ASXL3: variants seen among roughly 807,000 people sequenced by gnomAD.
ASXL3 encodes the protein putative Polycomb group protein ASXL3.
ASXL3 carries 34 observed loss-of-function variants against 170.6 expected under a neutral mutation model. That is an observed-to-expected ratio of 0.20 (90% CI 0.15 to 0.27). ASXL3 has a LOEUF of 0.27. Among genes scored for constraint, ASXL3 ranks in the 10% least tolerant of loss-of-function variants. ASXL3 has a pLI of 1.00. For synonymous variants in ASXL3, 1,002 were observed against 989.1 expected (o/e 1.01, Z -0.24); for missense variants, 2,592 against 2,695.3 (o/e 0.96, Z 0.85).
intron 2 of ASXL3, among the ~76,000 whole-genome samples, chr18:33,615,609 C>T (rs1008409378): frequency 4.6e-5 from 7 of 152,196 alleles, no homozygotes; most frequent in Admixed American, 1.3e-4. Flanking sequence ...GCAATATCTG[C>T]GAAGCATAAT....
chr18:33,731,975 G>A lies in ASXL3; in HGVS notation c.887G>A (p.Ser296Asn), dbSNP rs770948375. Residue 296 changes from serine (S) to asparagine (N), a missense_variant, in exon 9 of 12, where the codon AGT becomes AAT. Physicochemically the swap from Ser to Asn is conservative, Grantham distance 46 (BLOSUM62 1). This residue lies in a region of ASXL3 where 73 missense variants were observed against 142.7 expected (regional missense o/e 0.51). Transcript: ENST00000269197. ...LLPEVDRQMG[S>N]DGILRLSTSA... ...GTCGGCTTATTTTCCTAGATGGGAAGTGATGGAATTTTACGCCTCAGTACT... is the reference window on the plus strand; with the variant it reads ...GTCGGCTTATTTTCCTAGATGGGAAATGATGGAATTTTACGCCTCAGTACT... 8.7e-6 allele frequency: 14 copies of A among 1,611,386 alleles called. No homozygotes were observed. The highest frequency in any genetic ancestry group is 1.1e-5 in the Non-Finnish European group (13 of 1,178,908).
chr18:33,725,558 T>G, intron 8 of ASXL3, among the ~76,000 whole-genome samples: 1 of 152,140 alleles, frequency 6.6e-6, no homozygotes, highest in East Asian at 1.9e-4. Flanking sequence ...AATGTTCTCA[T>G]CTATACCCAT....
chr18:33,694,554 G>A (rs1427581838), intron 8 of ASXL3, among the ~76,000 whole-genome samples: 1 of 151,264 alleles, frequency 6.6e-6, no homozygotes, highest in Non-Finnish European at 1.5e-5. Flanking sequence ...GGCTATCTTT[G>A]CAAATATTTA....
intron 2 of ASXL3, chr18:33,609,168 C>T: frequency 1.6e-6 from 1 of 635,334 alleles, no homozygotes; most frequent in Non-Finnish European, 2.0e-6. Context: ...ATCAGGAAAA[C>T]AGGAGATTAA....
chr18:33,634,131 C>T (rs2065730084), intron 2 of ASXL3, among the ~76,000 whole-genome samples: 1 of 152,066 alleles, frequency 6.6e-6, no homozygotes. Flanking sequence ...TGTACTTTTG[C>T]ACTTTCCATG....
rs531051817 is a variant in ASXL3 at position 33,721,389 on chromosome 18, C to T, written c.880-10579C>T. On this transcript the variant is annotated intron_variant, in intron 8 of 11. Transcript: ENST00000269197. The stretch of plus-strand genomic sequence containing the variant: ...AAAAAGAAAAAATTATATGTACACA[C>T]ATATATATATGTATGTATGTATATA... Among the ~76,000 whole-genome samples, 15 of 151,994 alleles carry T rather than the reference C, an allele frequency of 9.9e-5. No homozygotes were observed. In the East Asian group the frequency reaches 1.4e-3, roughly 14 times the overall value.
chr18:33,661,338 G>A (rs931665068), intron 4 of ASXL3, among the ~76,000 whole-genome samples: 1 of 151,932 alleles, frequency 6.6e-6, no homozygotes, highest in Admixed American at 6.6e-5. Context: ...GGCAGATATT[G>A]TCTATTTTTT....
chr18:33,731,151 T>C (rs2067435465), intron 8 of ASXL3, among the ~76,000 whole-genome samples: 1 of 152,194 alleles, frequency 6.6e-6, no homozygotes, highest in Non-Finnish European at 1.5e-5. Context: ...AGTTAAATTT[T>C]AGAAGAGTGA....
At chr18:33,721,338 T>C (rs1216746008) in intron 8 of ASXL3, among the ~76,000 whole-genome samples, 10 of 152,156 alleles carry the variant, frequency 6.6e-5, no homozygotes, top group African/African-American at 2.4e-4. Context: ...AGTGGTTGGA[T>C]TGGCTAAAAA....
intron 2 of ASXL3, chr18:33,609,030 T>C: frequency 1.0e-6 from 1 of 985,050 alleles, no homozygotes; most frequent in Non-Finnish European, 1.2e-6. Flanking sequence ...CACGCTGTGT[T>C]TGTGCTAGTT....
At chr18:33,615,841 A>G (rs147960816) in intron 2 of ASXL3, among the ~76,000 whole-genome samples, 3,877 of 152,224 alleles carry the variant, frequency 0.025, 178 homozygotes, top group African/African-American at 0.089. Context: ...TAAAGCCTAC[A>G]TTACACCTTA....
chr18:33,713,291 G>C (rs1475572288), intron 8 of ASXL3, among the ~76,000 whole-genome samples: 1 of 90,460 alleles, frequency 1.1e-5, no homozygotes, highest in Non-Finnish European at 2.0e-5. Flanking sequence ...GGGTCTTACC[G>C]TCACCCAGGC....
intron 7 of ASXL3, among the ~76,000 whole-genome samples, chr18:33,682,644 T>C (rs775358750): frequency 3.5e-4 from 53 of 152,132 alleles, no homozygotes; most frequent in Non-Finnish European, 5.4e-4. Context: ...CCTCCCGCGC[T>C]TAAGTGATCG....
intron 8 of ASXL3, among the ~76,000 whole-genome samples, chr18:33,724,311 C>G (rs2067310378): frequency 1.3e-5 from 2 of 152,142 alleles, no homozygotes; most frequent in Admixed American, 1.3e-4. Context: ...TGAGGTTGTT[C>G]AAGCTTGTAG....
intron 8 of ASXL3, 174 bp downstream of exon 8, chr18:33,683,742 C>T (rs2172415): frequency 1.6e-6 from 1 of 630,900 alleles, no homozygotes; most frequent in Non-Finnish European, 2.4e-6. Flanking sequence ...CATTTTTATT[C>T]TTAATAGTGA....
intron 8 of ASXL3, among the ~76,000 whole-genome samples, chr18:33,723,867 G>C (rs1420826029): frequency 6.6e-6 from 1 of 152,092 alleles, no homozygotes; most frequent in Non-Finnish European, 1.5e-5. Flanking sequence ...CAGCCACCCT[G>C]ATCAGTCAGC....
chr18:33,663,697 G>A (rs2066213901), intron 5 of ASXL3, among the ~76,000 whole-genome samples: 1 of 151,946 alleles, frequency 6.6e-6, no homozygotes, highest in Non-Finnish European at 1.5e-5. Flanking sequence ...TAGCAAATAT[G>A]CTAATATTTG....
Position 33,653,245 on chromosome 18 carries a change from A to G in ASXL3, c.355+6892A>G, listed in dbSNP as rs970567365. 3.9e-5 allele frequency among the ~76,000 whole-genome samples: 6 copies of G among 152,052 alleles called. No homozygotes were observed. The East Asian group carries it at 5.8e-4, about 15-fold the overall frequency. ...TAGGAGAGTGTCAACAGGCTTCTAC[A>G]TGATCGTGGAGAAAGACGACACAGT... On this transcript the variant is annotated intron_variant, in intron 4 of 11. Transcript: ENST00000269197.
chr18:33,638,916 C>A (rs2065808566), intron 2 of ASXL3, among the ~76,000 whole-genome samples: 1 of 152,148 alleles, frequency 6.6e-6, no homozygotes, highest in Non-Finnish European at 1.5e-5. Flanking sequence ...TTAATACTAT[C>A]CACATGTGAC....
Sources: gnomAD v4.1 joint callset for allele counts (sites outside exome capture counted in the v4.1 genomes callset) on GRCh38, gnomAD v4.1.1 for gene constraint, gnomAD v4.1.1 regional missense constraint, MANE v1.5 for transcripts, NCBI Gene and HGNC (gene_info 2026-07-23, HGNC 2026-07-21) for gene names.